Variants in SORL1 observed in about 807,000 individuals in gnomAD.
The protein encoded by SORL1 is sortilin related receptor 1, also known as sortilin-related receptor.
SORL1 carries 127 observed loss-of-function variants against 273.7 expected under a neutral mutation model. The observed-to-expected ratio is 0.46, with a 90% CI of 0.40 to 0.54. SORL1 has a LOEUF of 0.54. Ranked by LOEUF, SORL1 falls within the 20% of genes least tolerant of loss-of-function variation. The probability of loss-of-function intolerance (pLI) is 0.00; values close to 1 mark genes in which losing one functional copy is unlikely to be tolerated. For synonymous variants in SORL1, 1,031 were observed against 1,067.4 expected (o/e 0.97, Z 0.66); for missense variants, 2,494 against 2,846.1 (o/e 0.88, Z 2.81).
intron 1 of SORL1, among the ~76,000 whole-genome samples, chr11:121,458,266 C>A (rs1860939106): frequency 1.3e-5 from 2 of 151,988 alleles, no homozygotes; most frequent in Non-Finnish European, 1.5e-5. Flanking sequence ...AATGGCTGGC[C>A]TAAATGTATT....
chr11:121,603,954 T>G (rs1252541335), intron 32 of SORL1, among the ~76,000 whole-genome samples: 1 of 152,216 alleles, frequency 6.6e-6, no homozygotes, highest in Non-Finnish European at 1.5e-5. Flanking sequence ...GATCTAGGAT[T>G]TAAACTCTAG....
chr11:121,504,091 G>T (rs980573054), intron 6 of SORL1, among the ~76,000 whole-genome samples: 7 of 152,168 alleles, frequency 4.6e-5, no homozygotes, highest in Non-Finnish European at 8.8e-5. Flanking sequence ...CTGGTTTTCA[G>T]TGTACAAGTC....
At chr11:121,619,422 G>A (rs893418659) in intron 42 of SORL1, among the ~76,000 whole-genome samples, 1 of 152,144 alleles carries the variant, frequency 6.6e-6, no homozygotes, top group African/African-American at 2.4e-5. Flanking sequence ...GAAGCCAAGA[G>A]CATAATATGT....
chr11:121,520,052 A>T (rs902618720), intron 8 of SORL1, among the ~76,000 whole-genome samples: 2 of 152,178 alleles, frequency 1.3e-5, no homozygotes, highest in Admixed American at 1.3e-4. Flanking sequence ...GGAGTTCAAG[A>T]CCAGCCTCGG....
At chr11:121,484,700 A>G (rs1861446085) in intron 3 of SORL1, among the ~76,000 whole-genome samples, 1 of 152,146 alleles carries the variant, frequency 6.6e-6, no homozygotes, top group South Asian at 2.1e-4. Flanking sequence ...GTAAACAAAA[A>G]TGGAATCTCT....
intron 45 of SORL1, among the ~76,000 whole-genome samples, chr11:121,623,727 G>A (rs1279815789): frequency 6.6e-6 from 1 of 152,202 alleles, no homozygotes; most frequent in Non-Finnish European, 1.5e-5. Context: ...TCCTTCCTGG[G>A]TGGCTGGAGC....
intron 30 of SORL1, 65 bp from the exon 31 acceptor site, chr11:121,590,936 C>T (rs368817352): frequency 1.3e-6 from 2 of 1,581,936 alleles, no homozygotes; most frequent in East Asian, 2.2e-5. Context: ...AGGTTTGGGA[C>T]ATATTTGGTC....
intron 1 of SORL1, among the ~76,000 whole-genome samples, chr11:121,463,223 G>T (rs1290630209): frequency 4.6e-5 from 7 of 151,702 alleles, no homozygotes; most frequent in Non-Finnish European, 2.9e-5. Context: ...TCATTTAATT[G>T]TTCTCTGAGA....
chr11:121,483,243 A>G (rs151218006), intron 3 of SORL1, among the ~76,000 whole-genome samples: 4 of 152,270 alleles, frequency 2.6e-5, no homozygotes, highest in Non-Finnish European at 2.9e-5. Flanking sequence ...GCGCCACTGC[A>G]TATCTGGGGC....
At chr11:121,496,211 G>A (rs1172990205) in intron 5 of SORL1, among the ~76,000 whole-genome samples, 1 of 152,224 alleles carries the variant, frequency 6.6e-6, no homozygotes, top group Admixed American at 6.5e-5. Flanking sequence ...TGCGTGCAGA[G>A]GGCATCTCCT....
chr11:121,600,042 A>C (rs985659144), intron 32 of SORL1, among the ~76,000 whole-genome samples: 1 of 152,188 alleles, frequency 6.6e-6, no homozygotes, highest in Non-Finnish European at 1.5e-5. Context: ...CTTGGAAGGC[A>C]TGCCTGTCAT....
chr11:121,464,648 T>C (rs1861055088), intron 1 of SORL1, among the ~76,000 whole-genome samples: 1 of 152,084 alleles, frequency 6.6e-6, no homozygotes, highest in Non-Finnish European at 1.5e-5. Context: ...ACAACACTTG[T>C]GGGGTGATAT....
chr11:121,479,355 G>C (rs775678634), intron 3 of SORL1, among the ~76,000 whole-genome samples: 1 of 152,112 alleles, frequency 6.6e-6, no homozygotes, highest in Non-Finnish European at 1.5e-5. Context: ...GATCTTCTAC[G>C]GAAAGACCCT....
At chr11:121,512,136 C>T (rs994990872) in intron 6 of SORL1, among the ~76,000 whole-genome samples, 6 of 152,096 alleles carry the variant, frequency 3.9e-5, no homozygotes, top group South Asian at 2.1e-4. Flanking sequence ...TCTGATAAAA[C>T]GTACGGAGCC....
At chr11:121,483,716 C>CA (rs1861430877) in intron 3 of SORL1, among the ~76,000 whole-genome samples, 1 of 152,128 alleles carries the variant, frequency 6.6e-6, no homozygotes, top group African/African-American at 2.4e-5. Context: ...AGCCAGGCAG[C>CA]ACAGAGACTT....
chr11:121,520,374 T>C (rs1862021515), intron 8 of SORL1, among the ~76,000 whole-genome samples: 1 of 152,250 alleles, frequency 6.6e-6, no homozygotes, highest in Non-Finnish European at 1.5e-5. Context: ...ATTCCATTTA[T>C]ATGAAATGTC....
chr11:121,552,094 G>A (rs956067904), intron 16 of SORL1, among the ~76,000 whole-genome samples: 4 of 152,032 alleles, frequency 2.6e-5, no homozygotes, highest in African/African-American at 9.7e-5. Flanking sequence ...ACGAAGTGGA[G>A]AAATCTCATT....
chr11:121,606,139 T>C (rs1347306161), intron 35 of SORL1, among the ~76,000 whole-genome samples: 1 of 152,200 alleles, frequency 6.6e-6, no homozygotes, highest in Non-Finnish European at 1.5e-5. Flanking sequence ...CCTAGGCTGG[T>C]CTTGAGCTAC....
intron 9 of SORL1, among the ~76,000 whole-genome samples, chr11:121,521,119 A>G (rs1008132690): frequency 1.8e-4 from 27 of 151,302 alleles, no homozygotes; most frequent in Admixed American, 1.5e-3. Flanking sequence ...TAGTTAGACC[A>G]TTACTTGGTC....
Sources: allele counts gnomAD v4.1 joint callset (sites outside exome capture counted in the v4.1 genomes callset), GRCh38; gene constraint gnomAD v4.1.1; transcripts MANE v1.5; gene names NCBI Gene and HGNC (gene_info 2026-07-23, HGNC 2026-07-21).